The following PRPF6 variants were observed in gnomAD, a reference collection of about 807,000 sequenced individuals.
PRPF6 encodes pre-mRNA processing factor 6.
PRPF6 carries 42 observed loss-of-function variants against 118.3 expected under a neutral mutation model. That is an observed-to-expected ratio of 0.35 (90% CI 0.28 to 0.46). The LOEUF is 0.46. PRPF6 is among the 20% of genes least tolerant of loss of function. The pLI, the probability that PRPF6 is intolerant of heterozygous loss-of-function variation, is 1.00. For synonymous variants in PRPF6, 481 were observed against 485.1 expected (o/e 0.99, Z 0.11); for missense variants, 662 against 1,255.7 (o/e 0.53, Z 7.15).
At chr20:63,997,508 G>A (rs1257499311) in intron 6 of PRPF6, among the ~76,000 whole-genome samples, 2 of 150,802 alleles carry the variant, frequency 1.3e-5, no homozygotes. Flanking sequence ...CCGAGCTGGA[G>A]TGCAGTGGTG....
At chr20:63,991,702 A>G (rs1172057755) in intron 3 of PRPF6, among the ~76,000 whole-genome samples, 1 of 152,114 alleles carries the variant, frequency 6.6e-6, no homozygotes, top group African/African-American at 2.4e-5. Context: ...AGGCACGAGA[A>G]TCACTTAAAC....
In PRPF6 at chr20:64,026,215, C is replaced by T. The variant is rs555881720; in HGVS notation, c.2028+157C>T. ...GATGTGACTAAAACATTCATGTGGCCGGGCGTGGTGGCCGGGCGCGGTGGC... is the reference window on the plus strand; with the variant it reads ...GATGTGACTAAAACATTCATGTGGCTGGGCGTGGTGGCCGGGCGCGGTGGC... On this transcript the variant is annotated intron_variant, in intron 15 of 20. Transcript: ENST00000266079. This position sits in a 1 kb window ranked among gnomAD's most constrained non-coding sequence, Gnocchi z 4.4. Among the ~76,000 whole-genome samples, 11 of 152,272 alleles carry T rather than the reference C, an allele frequency of 7.2e-5. No individual in the cohort carries two copies. The South Asian group carries it at 1.5e-3, about 20-fold the overall frequency.
chr20:64,002,729 C>T lies in PRPF6; in HGVS notation c.1186+1490C>T, dbSNP rs193091826. Among the ~76,000 whole-genome samples the T allele has an allele frequency of 7.9e-5, 12 of 151,354 alleles. No individual in the cohort carries two copies. In the East Asian group the frequency reaches 1.6e-3, roughly 20 times the overall value. On this transcript the variant is annotated intron_variant, in intron 9 of 20. Coordinates refer to ENST00000266079, the MANE Select transcript of PRPF6 (RefSeq NM_012469.4). ...CACCATCTTGGCTCACTGCAACCTC[C>T]GCCTCCTGGGTTTAAGCAATCCTCT...
At chr20:64,020,640 A>AG (rs1359595898) in intron 12 of PRPF6, among the ~76,000 whole-genome samples, 1 of 152,188 alleles carries the variant, frequency 6.6e-6, no homozygotes, top group Non-Finnish European at 1.5e-5. Context: ...TCTTGAGTAT[A>AG]GGGAAAAAAA....
At chr20:64,016,994 G>C in intron 12 of PRPF6, 149 bp downstream of exon 12, 1 of 1,104,566 alleles carries the variant, frequency 9.1e-7, no homozygotes, top group South Asian at 1.4e-5. Context: ...CCAGGCTGGA[G>C]TGCAGTGGCG....
chr20:63,995,865 C>G (rs1425782934), intron 6 of PRPF6, among the ~76,000 whole-genome samples: 1 of 152,066 alleles, frequency 6.6e-6, no homozygotes. Flanking sequence ...CCATGTTGGC[C>G]AGGCTGGTCT....
chr20:64,011,265 C>G lies in PRPF6; in HGVS notation c.1306-20C>G. On this transcript the variant is annotated intron_variant, in intron 10 of 20. Coordinates refer to ENST00000266079, the MANE Select transcript of PRPF6 (RefSeq NM_012469.4). This position sits in a 1 kb window ranked among gnomAD's most constrained non-coding sequence, Gnocchi z 6.7. ...CCCAGCACAGTGTCCTCTCCTTTTT[C>G]TCGTGTCCTCTCCGCGTAGCTCTGG... The G allele has an allele frequency of 6.2e-7, 1 of 1,612,834 alleles. No individual in the cohort carries two copies. Among genetic ancestry groups the G allele is most frequent in the Non-Finnish European group, 8.5e-7 (1 of 1,179,158 alleles).
chr20:64,011,208 G>A lies in PRPF6; in HGVS notation c.1306-77G>A, dbSNP rs985388723. ...AAAGAACGTGGTGGCCAACGCTGGA[G>A]GGTGGGTCGCTGTCTGGCCTGCAGC... On this transcript the variant is annotated intron_variant, in intron 10 of 20. Transcript: ENST00000266079. The surrounding 1 kb of genome is among the most constrained non-coding windows in gnomAD (Gnocchi z 6.7). The A allele has an allele frequency of 6.7e-5, 92 of 1,370,670 alleles. No homozygotes were observed. The highest frequency in any genetic ancestry group is 4.5e-4 in the Middle Eastern group (2 of 4,428). 84.9% of individuals were successfully genotyped at this position (1,370,670 alleles called of 1,614,324 possible).
At chr20:63,987,169 C>CAA (rs61702884) in intron 3 of PRPF6, among the ~76,000 whole-genome samples, 833 of 51,840 alleles carry the variant, frequency 0.016, 42 homozygotes, top group East Asian at 0.078. Context: ...GACCCTGTCT[C>CAA]AAAAAAAAAA....
intron 12 of PRPF6, among the ~76,000 whole-genome samples, chr20:64,021,562 C>CTG (rs370834346): frequency 2.5e-4 from 16 of 63,828 alleles, no homozygotes; most frequent in Non-Finnish European, 3.5e-4. Context: ...GTGTGTGTGT[C>CTG]TGTGTGTGTG....
At chr20:64,022,099 T>C (rs2059269524) in intron 12 of PRPF6, among the ~76,000 whole-genome samples, 1 of 152,250 alleles carries the variant, frequency 6.6e-6, no homozygotes. Context: ...TAGTGACTTG[T>C]GCACCTCTCG....
rs1285786455 is a variant in PRPF6, at chr20:64,027,847, G to A, written c.2339+111G>A. ...ACTCGTGCAGTGCTTCCAGGCTCAGGGGCTTGGGGGGCGGTAGGTGCTGGC... is the reference window on the plus strand; with the variant it reads ...ACTCGTGCAGTGCTTCCAGGCTCAGAGGCTTGGGGGGCGGTAGGTGCTGGC... On this transcript the variant is annotated intron_variant, in intron 17 of 20. Coordinates refer to ENST00000266079, the MANE Select transcript of PRPF6 (RefSeq NM_012469.4). This position sits in a 1 kb window ranked among gnomAD's most constrained non-coding sequence, Gnocchi z 6.5. 6.8e-7 allele frequency: 1 copy of A among 1,478,550 alleles called. No homozygotes were observed. Among genetic ancestry groups the A allele is most frequent in the Non-Finnish European group, 9.4e-7 (1 of 1,061,884 alleles). The allele number at this position is 1,478,550 out of a possible 1,614,324, so 91.6% of individuals were successfully genotyped here.
chr20:64,016,993 A>G, intron 12 of PRPF6, 148 bp downstream of exon 12: 1 of 1,131,930 alleles, frequency 8.8e-7, no homozygotes, highest in Non-Finnish European at 1.3e-6. Flanking sequence ...CCCAGGCTGG[A>G]GTGCAGTGGC....
chr20:64,014,507 A>T (rs1483176903), intron 11 of PRPF6, among the ~76,000 whole-genome samples: 1 of 152,100 alleles, frequency 6.6e-6, no homozygotes, highest in African/African-American at 2.4e-5. Flanking sequence ...ATACAAAAAA[A>T]TTAGCCAGGC....
intron 3 of PRPF6, among the ~76,000 whole-genome samples, chr20:63,988,823 C>A (rs377047893): frequency 6.6e-6 from 1 of 150,714 alleles, no homozygotes; most frequent in East Asian, 2.0e-4. Context: ...CAGCTGAGAT[C>A]GTGCCATTGC....
chr20:63,991,334 A>G (rs1032916970), intron 3 of PRPF6, among the ~76,000 whole-genome samples: 1 of 151,978 alleles, frequency 6.6e-6, no homozygotes. Flanking sequence ...AGGCAGGAGC[A>G]TCGCTTGAGC....
At chr20:64,022,312 C>G (rs816929) in intron 12 of PRPF6, among the ~76,000 whole-genome samples, 1 of 151,896 alleles carries the variant, frequency 6.6e-6, no homozygotes, top group Admixed American at 6.6e-5. Flanking sequence ...GTTCTACTTT[C>G]TTTCTGGAGG....
chr20:64,017,542 C>T (rs1186665945), intron 12 of PRPF6, among the ~76,000 whole-genome samples: 2 of 148,074 alleles, frequency 1.4e-5, no homozygotes, highest in African/African-American at 5.1e-5. Context: ...TGAGCCGCCG[C>T]GCCCGGCCTC....
chr20:63,989,954 A>G (rs2122989520), intron 3 of PRPF6, among the ~76,000 whole-genome samples: 1 of 152,194 alleles, frequency 6.6e-6, no homozygotes. Context: ...CCCAGGCTCA[A>G]GTGATTCTTC....
Sources: gnomAD v4.1 joint callset for allele counts (sites outside exome capture counted in the v4.1 genomes callset) on GRCh38, gnomAD v4.1.1 for gene constraint, Gnocchi (gnomAD v3.1) non-coding constraint, MANE v1.5 for transcripts, NCBI Gene and HGNC (gene_info 2026-07-23, HGNC 2026-07-21) for gene names.